The following METTL8 variants were observed in gnomAD, a reference collection of about 807,000 sequenced individuals.
METTL8 encodes tRNA N(3)-cytidine methyltransferase METTL8, mitochondrial.
A neutral mutation model predicts 48.7 loss-of-function variants in METTL8; 32 were observed. The ratio of observed to expected loss-of-function variants is 0.66; its 90% CI spans 0.50 to 0.88. The LOEUF (loss-of-function observed/expected upper bound fraction) is 0.88. Ranked by LOEUF, METTL8 falls within the 40% of genes least tolerant of loss-of-function variation. METTL8 has a pLI of 0.00. For synonymous variants in METTL8, 136 were observed against 157.1 expected (o/e 0.87, Z 1.01); for missense variants, 464 against 474.4 (o/e 0.98, Z 0.20).
In METTL8 at chr2:171,323,925, C is replaced by A; in HGVS notation, c.*247G>T. 2.8e-6 allele frequency: 1 copy of A among 351,122 alleles called. No individual in the cohort carries two copies. Among genetic ancestry groups the A allele is most frequent in the Non-Finnish European group, 5.1e-6 (1 of 197,058 alleles). The allele number at this position is 351,122 out of a possible 1,614,324, so 21.8% of individuals were successfully genotyped here. A position where few individuals can be genotyped will look rare whatever the true frequency, so the allele number is the denominator to read the frequency against. ...ATGCTTATAAAAATCAAGGAACAAG[C>A]AAAATGGTTAGATGTAATAAATTCA... On this transcript the variant is annotated 3_prime_UTR_variant, in exon 10 of 10. Transcript: ENST00000375258.
In METTL8 at chr2:171,323,224, A is replaced by AT. The variant is rs1684621612; in HGVS notation, c.*947_*948insA. ...GATACAAGAGCTTGTCAGCTTACAT[A>AT]CCTTTTTTTTTTTTTTTTTTTTTTT... On this transcript the variant is annotated 3_prime_UTR_variant, in exon 10 of 10. Coordinates refer to ENST00000375258, the MANE Select transcript of METTL8 (RefSeq NM_001321154.2). 1.9e-5 allele frequency: 2 copies of AT among 106,446 alleles called. No individual in the cohort carries two copies. Among genetic ancestry groups the AT allele is most frequent in the African/African-American group, 6.8e-5 (2 of 29,410 alleles). 6.6% of individuals were successfully genotyped at this position (106,446 alleles called of 1,614,324 possible). A position where few individuals can be genotyped will look rare whatever the true frequency, so the allele number is the denominator to read the frequency against.
At chr2:171,414,332 G>A (rs1235358951) in intron 1 of METTL8, among the ~76,000 whole-genome samples, 2 of 151,500 alleles carry the variant, frequency 1.3e-5, no homozygotes, top group African/African-American at 4.9e-5. Context: ...CAGGAGAATT[G>A]CTTGAACCCG....
chr2:171,415,446 G>A (rs1020534103), intron 1 of METTL8, among the ~76,000 whole-genome samples: 29 of 142,520 alleles, frequency 2.0e-4, no homozygotes, highest in African/African-American at 5.1e-4. Flanking sequence ...TCTGCCACCC[G>A]GGTTCAAGCA....
intron 2 of METTL8, among the ~76,000 whole-genome samples, chr2:171,377,123 T>C (rs966207859): frequency 6.6e-6 from 1 of 152,152 alleles, no homozygotes; most frequent in Non-Finnish European, 1.5e-5. Context: ...TAAATGGTGC[T>C]GGGATAACTG....
At chr2:171,325,938 A>C (rs1367177980) in intron 8 of METTL8, 32 bp from the exon 9 acceptor site, 1 of 1,472,274 alleles carries the variant, frequency 6.8e-7, no homozygotes, top group African/African-American at 1.4e-5. Flanking sequence ...GAAACTCTTA[A>C]GGGTATTCCT....
chr2:171,327,239 T>C (rs1685049399), intron 7 of METTL8, among the ~76,000 whole-genome samples: 1 of 152,238 alleles, frequency 6.6e-6, no homozygotes, highest in Non-Finnish European at 1.5e-5. Context: ...CCCTTATAGC[T>C]GCTCTTGATT....
intron 2 of METTL8, among the ~76,000 whole-genome samples, chr2:171,379,916 A>G (rs1265955568): frequency 6.6e-6 from 1 of 152,240 alleles, no homozygotes; most frequent in East Asian, 1.9e-4. Flanking sequence ...CATCATCCTG[A>G]TACCAAAACT....
At chr2:171,419,164 T>C (rs973206884) in intron 1 of METTL8, among the ~76,000 whole-genome samples, 1 of 152,192 alleles carries the variant, frequency 6.6e-6, no homozygotes, top group African/African-American at 2.4e-5. Context: ...AACAGCCATT[T>C]CTACAAAGAA....
intron 3 of METTL8, among the ~76,000 whole-genome samples, chr2:171,340,594 C>T (rs1034126238): frequency 6.6e-6 from 1 of 151,438 alleles, no homozygotes; most frequent in Non-Finnish European, 1.5e-5. Flanking sequence ...AGAAAGGACA[C>T]CTTATTTTTA....
At chr2:171,431,166 ATG>A (rs1692972828) in intron 1 of METTL8, among the ~76,000 whole-genome samples, 1 of 152,150 alleles carries the variant, frequency 6.6e-6, no homozygotes, top group African/African-American at 2.4e-5. Flanking sequence ...CTTACACCAG[ATG>A]TTTTGTGCAC....
At chr2:171,390,128 T>C (rs1012990078) in intron 2 of METTL8, among the ~76,000 whole-genome samples, 4 of 152,182 alleles carry the variant, frequency 2.6e-5, no homozygotes, top group African/African-American at 4.8e-5. Flanking sequence ...GCCTATACTC[T>C]ATAAATGAAA....
chr2:171,370,411 T>C lies in METTL8; in HGVS notation c.144-9898A>G, dbSNP rs146564006. 4.5e-4 allele frequency among the ~76,000 whole-genome samples: 69 copies of C among 152,332 alleles called. 2 individuals carry two copies. The highest frequency in any genetic ancestry group is 1.5e-3 in the African/African-American group (64 of 41,580). On this transcript the variant is annotated intron_variant, in intron 2 of 9. Coordinates refer to ENST00000375258, the MANE Select transcript of METTL8 (RefSeq NM_001321154.2). ...GCTTTTCTGACAATATAAAAAATGT[T>C]CTATAGGTTAGCCCTGATGTATGGC... is the stretch of plus-strand genomic sequence containing the variant.
At chr2:171,400,849 G>C (rs1453226159) in intron 1 of METTL8, among the ~76,000 whole-genome samples, 1 of 152,148 alleles carries the variant, frequency 6.6e-6, no homozygotes, top group Admixed American at 6.5e-5. Context: ...CTGTTTGTGT[G>C]AATCTATAAC....
At position 171,409,647 on chromosome 2, in the gene METTL8, G is replaced by C. The variant is rs183818059; in HGVS notation, c.-12-17450C>G. 3.9e-5 allele frequency among the ~76,000 whole-genome samples: 6 copies of C among 152,298 alleles called. 1 individual carries two copies. The East Asian group carries it at 9.7e-4, about 25-fold the overall frequency. On this transcript the variant is annotated intron_variant, in intron 1 of 9. Transcript: ENST00000375258. ...GGGGAAATTGTCTTACTGTCAAGGA[G>C]GGGTGGGAGAAGGCTCTCGCTTTTC...
chr2:171,431,612 C>A (rs1693029103), intron 1 of METTL8, among the ~76,000 whole-genome samples: 1 of 152,200 alleles, frequency 6.6e-6, no homozygotes. Flanking sequence ...TTCTTGGACA[C>A]AGGACAAGAG....
chr2:171,401,308 G>A (rs926710389), intron 1 of METTL8, among the ~76,000 whole-genome samples: 1 of 152,078 alleles, frequency 6.6e-6, no homozygotes, highest in Non-Finnish European at 1.5e-5. Context: ...CAATTTCAGC[G>A]AACTCAGAGG....
chr2:171,352,709 G>A (rs1212069515), intron 3 of METTL8, among the ~76,000 whole-genome samples: 2 of 152,144 alleles, frequency 1.3e-5, no homozygotes, highest in African/African-American at 2.4e-5. Flanking sequence ...GGGTATAAGT[G>A]TCCAGGAATT....
chr2:171,325,613 G>A (rs1443110883), intron 9 of METTL8, among the ~76,000 whole-genome samples: 4 of 146,708 alleles, frequency 2.7e-5, no homozygotes, highest in African/African-American at 5.1e-5. Context: ...ATCTGGGTAT[G>A]AGGGTAAAAC....
At chr2:171,386,209 C>T (rs1688034569) in intron 2 of METTL8, among the ~76,000 whole-genome samples, 2 of 152,110 alleles carry the variant, frequency 1.3e-5, no homozygotes, top group African/African-American at 4.8e-5. Context: ...TCACTAGGGT[C>T]TAATGAAGAA....
Sources: gnomAD v4.1 joint callset for allele counts (sites outside exome capture counted in the v4.1 genomes callset) on GRCh38, gnomAD v4.1.1 for gene constraint, MANE v1.5 for transcripts, NCBI Gene and HGNC (gene_info 2026-07-23, HGNC 2026-07-21) for gene names.